Variants in ZEB2 observed in about 807,000 individuals in gnomAD.
ZEB2 encodes zinc finger E-box binding homeobox 2, also known as zinc finger E-box-binding homeobox 2.
Under a neutral mutation model 99.9 loss-of-function variants are expected in ZEB2, and 6 were observed. That is an observed-to-expected ratio of 0.06 (90% CI 0.03 to 0.12). ZEB2 has a LOEUF of 0.12. Ranked by LOEUF, ZEB2 falls within the 10% of genes least tolerant of loss-of-function variation. The probability of loss-of-function intolerance (pLI) is 1.00; values close to 1 mark genes in which losing one functional copy is unlikely to be tolerated. For missense variants in ZEB2, 969 were observed against 1,502.8 expected (o/e 0.64, Z 5.87); for synonymous variants, 517 against 542.5 (o/e 0.95, Z 0.65).
chr2:144,396,329 T>A, intron 9 of ZEB2, 83 bp downstream of exon 9: 6 of 1,531,038 alleles, frequency 3.9e-6, no homozygotes, highest in Non-Finnish European at 5.4e-6. Context: ...TTACATCTTA[T>A]GTTGCACAAG....
chr2:144,519,873 G>A (rs758044369), intron 1 of ZEB2, 66 bp downstream of exon 1: 9 of 387,564 alleles, frequency 2.3e-5, no homozygotes, highest in African/African-American at 4.2e-5. Flanking sequence ...ATTAGAAAAG[G>A]AGGATGGAGG....
rs184109020 is a variant in ZEB2 at position 144,475,983 on chromosome 2, T to A, written c.73+41295A>T. ...AAACAAAGATGATCATGTCCAAGGA[T>A]CTGTAAAAACCTACTTCCTTCTGAC... On this transcript the variant is annotated intron_variant, in intron 2 of 9. Coordinates refer to ENST00000627532, the MANE Select transcript of ZEB2 (RefSeq NM_014795.4). Among the ~76,000 whole-genome samples the A allele has an allele frequency of 1.5e-3, 235 of 152,294 alleles. 1 individual carries two copies. Among genetic ancestry groups the A allele is most frequent in the Non-Finnish European group, 2.5e-3 (169 of 68,022 alleles).
At chr2:144,394,899 G>A (rs1703200868) in intron 9 of ZEB2, among the ~76,000 whole-genome samples, 1 of 151,166 alleles carries the variant, frequency 6.6e-6, no homozygotes, top group African/African-American at 2.4e-5. Context: ...ATGAGTACGA[G>A]TACTTCCCAA....
rs1248517635 is a variant in ZEB2, at chr2:144,384,170, G to T, written c.*5281C>A. The T allele has an allele frequency of 1.3e-5, 2 of 151,984 alleles. No homozygotes were observed. Among genetic ancestry groups the T allele is most frequent in the African/African-American group, 2.4e-5 (1 of 41,370 alleles). The allele number at this position is 151,984 out of a possible 1,614,324, so 9.4% of individuals were successfully genotyped here. On this transcript the variant is annotated 3_prime_UTR_variant, in exon 10 of 10. Transcript: ENST00000627532. ...AGAATCTTTGTCATATTAATCTCAAGACCAAATCGGAACAGTAGTGTTCAT... is the reference window on the plus strand; with the variant it reads ...AGAATCTTTGTCATATTAATCTCAATACCAAATCGGAACAGTAGTGTTCAT...
At chr2:144,451,246 T>C (rs1704051046) in intron 2 of ZEB2, among the ~76,000 whole-genome samples, 1 of 152,246 alleles carries the variant, frequency 6.6e-6, no homozygotes. Context: ...TAAATTTAAA[T>C]CTACTTAGGA....
intron 2 of ZEB2, 84 bp from the exon 3 acceptor site, chr2:144,430,110 TA>T: frequency 1.9e-6 from 3 of 1,557,538 alleles, no homozygotes; most frequent in Non-Finnish European, 1.8e-6. Flanking sequence ...AAATGGAAAA[TA>T]ATTAATATTT....
At chr2:144,411,980 C>T (rs935643554) in intron 4 of ZEB2, among the ~76,000 whole-genome samples, 1 of 152,124 alleles carries the variant, frequency 6.6e-6, no homozygotes, top group African/African-American at 2.4e-5. Flanking sequence ...TTAAAAATTC[C>T]CAAGATAGGC....
chr2:144,519,645 A>G (rs1705233460), intron 1 of ZEB2: 1 of 233,546 alleles, frequency 4.3e-6, no homozygotes, highest in African/African-American at 2.3e-5. Context: ...CTGGATAGCA[A>G]AGGACACCTT....
chr2:144,409,525 G>A (rs1282149727), intron 4 of ZEB2, among the ~76,000 whole-genome samples: 2 of 151,960 alleles, frequency 1.3e-5, no homozygotes, highest in African/African-American at 4.8e-5. Flanking sequence ...ATATTTGCAT[G>A]GTATTTATGA....
rs1165750866 is a variant in ZEB2, at chr2:144,386,701, G to A, written c.*2750C>T. Reference sequence around the variant, plus strand: ...CTACATTGCTTTAAAAGAGGCCACAGGGATTTATTCTACCCGGACAAAATT... The same window carrying A: ...CTACATTGCTTTAAAAGAGGCCACAAGGATTTATTCTACCCGGACAAAATT... On this transcript the variant is annotated 3_prime_UTR_variant, in exon 10 of 10. Transcript: ENST00000627532. 6.6e-6 allele frequency: 1 copy of A among 152,088 alleles called. No homozygotes were observed. The highest frequency in any genetic ancestry group is 6.6e-5 in the Admixed American group (1 of 15,256). The allele number at this position is 152,088 out of a possible 1,614,324, so 9.4% of individuals were successfully genotyped here.
rs1346483037 is a variant in ZEB2, at chr2:144,389,767, C to T, written c.3329G>A (p.Arg1110Gln). Residue 1110 changes from arginine (R) to glutamine (Q), a missense_variant, in exon 10 of 10, where the codon CGG (arginine) becomes CAG (glutamine). Physicochemically the swap from Arg to Gln is conservative, Grantham distance 43 (BLOSUM62 1). This residue lies in a region of ZEB2 where 121 missense variants were observed against 166.4 expected (regional missense o/e 0.73). Coordinates refer to ENST00000627532, the MANE Select transcript of ZEB2 (RefSeq NM_014795.4). This position sits in a 1 kb window ranked among gnomAD's most constrained non-coding sequence, Gnocchi z 6.8. ...AGGGGTAATGCTCTGCAAGTAAGCC[C>T]GGTTCATCAGCAGCTCGGTGGGTTC... is the stretch of plus-strand genomic sequence containing the variant. ...HLEPTELLMN[R>Q]AYLQSITPQG... 1 of 1,608,272 alleles carries T rather than the reference C, an allele frequency of 6.2e-7. No individual in the cohort carries two copies. The highest frequency in any genetic ancestry group is 8.5e-7 in the Non-Finnish European group (1 of 1,176,144).
intron 8 of ZEB2, 95 bp from the exon 9 acceptor site, chr2:144,396,687 G>T: frequency 1.5e-6 from 2 of 1,362,012 alleles, no homozygotes; most frequent in Non-Finnish European, 1.0e-6. Context: ...CCTCAAAATT[G>T]CTTGCTACTA....
At chr2:144,452,107 T>G (rs560865061) in intron 2 of ZEB2, among the ~76,000 whole-genome samples, 90 of 152,314 alleles carry the variant, frequency 5.9e-4, no homozygotes, top group African/African-American at 2.1e-3. Context: ...ACTGTATCTT[T>G]GCTGACTAAA....
At chr2:144,466,096 C>G (rs1391169157) in intron 2 of ZEB2, among the ~76,000 whole-genome samples, 1 of 152,160 alleles carries the variant, frequency 6.6e-6, no homozygotes, top group Non-Finnish European at 1.5e-5. Context: ...CAACCAAATG[C>G]CTTTTGTCAT....
At chr2:144,431,394 GA>G (rs572528507) in intron 2 of ZEB2, among the ~76,000 whole-genome samples, 4 of 151,936 alleles carry the variant, frequency 2.6e-5, no homozygotes, top group South Asian at 4.2e-4. Context: ...AAAAGAGAGA[GA>G]TTTTTTTTTT....
At chr2:144,456,931 C>G (rs1035467663) in intron 2 of ZEB2, among the ~76,000 whole-genome samples, 1 of 152,120 alleles carries the variant, frequency 6.6e-6, no homozygotes, top group Non-Finnish European at 1.5e-5. Flanking sequence ...AAGTTTCCCT[C>G]CTGTCTTTTC....
chr2:144,461,062 T>C (rs1321487861), intron 2 of ZEB2: 2 of 151,410 alleles, frequency 1.3e-5, no homozygotes, highest in Non-Finnish European at 2.9e-5. Context: ...TTTCAAAAAA[T>C]TCAAAGTAAG....
intron 2 of ZEB2, among the ~76,000 whole-genome samples, chr2:144,454,901 C>T (rs932939947): frequency 1.3e-5 from 2 of 152,112 alleles, no homozygotes; most frequent in Admixed American, 1.3e-4. Context: ...CCTGCACACA[C>T]ATCACCACAC....
At chr2:144,424,715 G>C in intron 4 of ZEB2, 81 bp downstream of exon 4, 1 of 1,483,550 alleles carries the variant, frequency 6.7e-7, no homozygotes, top group South Asian at 1.1e-5. Flanking sequence ...ACAAATGGAT[G>C]TGTCACTGTT....
Sources: allele counts gnomAD v4.1 joint callset (sites outside exome capture counted in the v4.1 genomes callset), GRCh38; gene constraint gnomAD v4.1.1; regional missense constraint gnomAD v4.1.1; non-coding constraint Gnocchi (gnomAD v3.1); transcripts MANE v1.5; gene names NCBI Gene and HGNC (gene_info 2026-07-23, HGNC 2026-07-21).